SMARCA4: variants seen among roughly 807,000 people sequenced by gnomAD.
SMARCA4 encodes SWI/SNF-related matrix-associated actin-dependent regulator of chromatin subfamily A member 4.
SMARCA4 carries 31 observed loss-of-function variants against 193.9 expected under a neutral mutation model. The observed-to-expected ratio is 0.16, with a 90% CI of 0.12 to 0.22. The LOEUF (loss-of-function observed/expected upper bound fraction) is 0.22, where lower values mean the gene tolerates loss of function less well. SMARCA4 is among the 10% of genes least tolerant of loss of function. The pLI, the probability that SMARCA4 is intolerant of heterozygous loss-of-function variation, is 1.00. For synonymous variants in SMARCA4, 942 were observed against 933.1 expected, an observed-to-expected ratio of 1.01 and a Z score of -0.17; for missense variants, 1,148 against 2,296.0, an observed-to-expected ratio of 0.50 and a Z score of 10.22.
Position 10,969,725 on chromosome 19 carries a change from T to C in SMARCA4, c.-32+8551T>C, listed in dbSNP as rs112176329. On this transcript the variant is annotated intron_variant, in intron 1 of 34. Transcript: ENST00000344626. ...GATTACAGGCATGAGCCACTGCACC[T>C]GGCCCCCTTTTTATGTTTCTAACAG... 1.8e-3 allele frequency among the ~76,000 whole-genome samples: 276 copies of C among 152,292 alleles called. 1 individual carries two copies. The highest frequency in any genetic ancestry group is 6.8e-3 in the Middle Eastern group (2 of 294).
Position 11,031,315 on chromosome 19 carries a change from G to T in SMARCA4, c.3546+422G>T, listed in dbSNP as rs1823438921. ...GCCACTTCGTTTACTTCCTCCTCTT[G>T]TTCCATAACCATGTACCCCTCATGG... On this transcript the variant is annotated intron_variant, in intron 25 of 34. Coordinates refer to ENST00000344626, the MANE Select transcript of SMARCA4 (RefSeq NM_003072.5). This position sits in a 1 kb window ranked among gnomAD's most constrained non-coding sequence, Gnocchi z 4.3. 1 of 275,484 alleles carries T rather than the reference G, an allele frequency of 3.6e-6. No individual in the cohort carries two copies. Among genetic ancestry groups the T allele is most frequent in the African/African-American group, 2.2e-5 (1 of 45,854 alleles). 17.1% of individuals were successfully genotyped at this position (275,484 alleles called of 1,614,324 possible). A position where few individuals can be genotyped will look rare whatever the true frequency, so the allele number is the denominator to read the frequency against.
rs2085989838 is a variant in SMARCA4 at position 10,985,973 on chromosome 19, A to T, written c.356-216A>T. Among the ~76,000 whole-genome samples, 1 of 151,988 alleles carries T rather than the reference A, an allele frequency of 6.6e-6. No individual in the cohort carries two copies. Among genetic ancestry groups the T allele is most frequent in the Non-Finnish European group, 1.5e-5 (1 of 68,004 alleles). Reference sequence around the variant, plus strand: ...CAGGTTCTCAGCATTAACCAGAAGCACCTTACTGAGACGTGGGCCAAACCA... The same window carrying T: ...CAGGTTCTCAGCATTAACCAGAAGCTCCTTACTGAGACGTGGGCCAAACCA... On this transcript the variant is annotated intron_variant, in intron 3 of 34. Coordinates refer to ENST00000344626, the MANE Select transcript of SMARCA4 (RefSeq NM_003072.5). The surrounding 1 kb of genome is among the most constrained non-coding windows in gnomAD (Gnocchi z 4.5).
In SMARCA4 at chr19:10,981,114, C is replaced by G. The variant is rs561126602; in HGVS notation, c.-31-3007C>G. Among the ~76,000 whole-genome samples the G allele has an allele frequency of 2.6e-5, 4 of 152,346 alleles. No homozygotes were observed. In the South Asian group the frequency reaches 8.3e-4, roughly 32 times the overall value. Reference sequence around the variant, plus strand: ...CAAGTGAGGAAGAAGCTATAGGTCCCTGAATATCACAGGATCTATGAAGTA... The same window carrying G: ...CAAGTGAGGAAGAAGCTATAGGTCCGTGAATATCACAGGATCTATGAAGTA... On this transcript the variant is annotated intron_variant, in intron 1 of 34. Transcript: ENST00000344626.
At chr19:11,017,826 C>A (rs1473752537) in intron 16 of SMARCA4, among the ~76,000 whole-genome samples, 2 of 152,380 alleles carry the variant, frequency 1.3e-5, no homozygotes, top group Admixed American at 1.3e-4. Context: ...TCTGCCCAGT[C>A]ATTCTTGGGT....
At chr19:11,059,687 G>T (rs2147110414) in intron 32 of SMARCA4, 66 bp from the exon 33 acceptor site, 1 of 1,529,958 alleles carries the variant, frequency 6.5e-7, no homozygotes, top group South Asian at 1.2e-5. Context: ...TGGGGCTGGG[G>T]CCAGGGCCGG....
rs566247944 is a variant in SMARCA4 at position 10,993,081 on chromosome 19, G to A, written c.1420-1747G>A. Among the ~76,000 whole-genome samples the A allele has an allele frequency of 1.5e-4, 23 of 150,970 alleles. No homozygotes were observed. In the South Asian group the frequency reaches 4.8e-3, roughly 32 times the overall value. ...ACTCACTGCAGCCTCTGTCTTCTGGGTTCAAGCGATTCTCCTGCCTTAGCC... is the reference window on the plus strand; with the variant it reads ...ACTCACTGCAGCCTCTGTCTTCTGGATTCAAGCGATTCTCCTGCCTTAGCC... On this transcript the variant is annotated intron_variant, in intron 8 of 34. Transcript: ENST00000344626.
At chr19:11,025,784 C>T (rs1225566720) in intron 22 of SMARCA4, among the ~76,000 whole-genome samples, 3 of 152,220 alleles carry the variant, frequency 2.0e-5, no homozygotes, top group African/African-American at 7.2e-5. Flanking sequence ...TGTCCCCCCA[C>T]AGTGGGGTCC....
Position 11,029,963 on chromosome 19 carries a change from A to G in SMARCA4, c.3383-767A>G, listed in dbSNP as rs111523759. Among the ~76,000 whole-genome samples the G allele has an allele frequency of 3.2e-3, 488 of 152,244 alleles. 6 individuals carry two copies. Among genetic ancestry groups the G allele is most frequent in the African/African-American group, 0.011 (471 of 41,542 alleles). On this transcript the variant is annotated intron_variant, in intron 24 of 34. Transcript: ENST00000344626. Reference sequence around the variant, plus strand: ...AGTGTTGGGATTACAGGCATGAGTCACCGCGCCCGGCCTGCCAGTTTTTAT... The same window carrying G: ...AGTGTTGGGATTACAGGCATGAGTCGCCGCGCCCGGCCTGCCAGTTTTTAT...
At position 11,062,182 on chromosome 19, in the gene SMARCA4, T is replaced by A. The variant is rs1245537827; in HGVS notation, c.*366T>A. The A allele has an allele frequency of 7.6e-6, 3 of 395,108 alleles. No homozygotes were observed. Among genetic ancestry groups the A allele is most frequent in the Non-Finnish European group, 1.4e-5 (3 of 212,694 alleles). 24.5% of individuals were successfully genotyped at this position (395,108 alleles called of 1,614,324 possible). ...TCACCGTCCACTCCTCCTACTGTATTTTATTGGACAGGTCAGACTCGCCGG... is the reference window on the plus strand; with the variant it reads ...TCACCGTCCACTCCTCCTACTGTATATTATTGGACAGGTCAGACTCGCCGG... On this transcript the variant is annotated 3_prime_UTR_variant, in exon 35 of 35. Coordinates refer to ENST00000344626, the MANE Select transcript of SMARCA4 (RefSeq NM_003072.5).
chr19:11,008,370 C>T (rs912834107), intron 14 of SMARCA4: 21 of 356,838 alleles, frequency 5.9e-5, no homozygotes, highest in Admixed American at 1.5e-4. Flanking sequence ...ATGCTGTCTG[C>T]ATTAGCAAGC....
At chr19:11,014,960 G>A (rs566795598) in intron 16 of SMARCA4, among the ~76,000 whole-genome samples, 1 of 152,000 alleles carries the variant, frequency 6.6e-6, no homozygotes, top group East Asian at 1.9e-4. Context: ...TTAGAGGCAC[G>A]CGCCACCATG....
intron 14 of SMARCA4, among the ~76,000 whole-genome samples, chr19:11,008,616 C>T (rs115291362): frequency 0.029 from 4,423 of 152,288 alleles, 101 homozygotes; most frequent in Non-Finnish European, 0.041. Flanking sequence ...GCTCCTGTAA[C>T]ACATCACAGT....
chr19:11,046,273 T>C (rs1404595213), intron 30 of SMARCA4, among the ~76,000 whole-genome samples: 1 of 152,010 alleles, frequency 6.6e-6, no homozygotes, highest in Non-Finnish European at 1.5e-5. Context: ...AAGTGACTGC[T>C]TTATCGAAAC....
chr19:10,994,454 G>A (rs1048284791), intron 8 of SMARCA4, among the ~76,000 whole-genome samples: 7 of 151,126 alleles, frequency 4.6e-5, no homozygotes, highest in African/African-American at 1.5e-4. Flanking sequence ...CTCCCGAGTA[G>A]CTGGGACTAC....
intron 1 of SMARCA4, chr19:10,977,949 T>G (rs1304556743): frequency 1.3e-5 from 2 of 152,450 alleles, no homozygotes; most frequent in East Asian, 3.9e-4. Flanking sequence ...AGTTCCACTG[T>G]GGCCTTGGCC....
rs2076671979 is a variant in SMARCA4, at chr19:11,058,446, G to T, written c.4533+83G>T. Reference sequence around the variant, plus strand: ...GGCACCCCCATCTGAGAGCTGTGGTGTGTGGGCAGAATGACCAGAAACCAC... The same window carrying T: ...GGCACCCCCATCTGAGAGCTGTGGTTTGTGGGCAGAATGACCAGAAACCAC... On this transcript the variant is annotated intron_variant, in intron 31 of 34. Coordinates refer to ENST00000344626, the MANE Select transcript of SMARCA4 (RefSeq NM_003072.5). This position sits in a 1 kb window ranked among gnomAD's most constrained non-coding sequence, Gnocchi z 5.8. The T allele has an allele frequency of 3.0e-6, 3 of 991,848 alleles. No homozygotes were observed. Among genetic ancestry groups the T allele is most frequent in the Non-Finnish European group, 4.7e-6 (3 of 631,626 alleles). 61.4% of individuals were successfully genotyped at this position (991,848 alleles called of 1,614,324 possible). A position where few individuals can be genotyped will look rare whatever the true frequency, so the allele number is the denominator to read the frequency against.
chr19:11,030,027 T>C lies in SMARCA4; in HGVS notation c.3383-703T>C, dbSNP rs17304534. ...TGACTTCAGTGTTCAGGGGCACCTC[T>C]GTCCGAACTCCCAGCAGCGCAGGGA... On this transcript the variant is annotated intron_variant, in intron 24 of 34. Transcript: ENST00000344626. The surrounding 1 kb of genome is among the most constrained non-coding windows in gnomAD (Gnocchi z 5.5). Among the ~76,000 whole-genome samples, 61,825 of 151,910 alleles carry C rather than the reference T, an allele frequency of 0.41. 12,852 individuals are homozygous for C. The highest frequency in any genetic ancestry group is 0.57 in the East Asian group (2,946 of 5,146).
chr19:11,061,393 G>C (rs1241762081), intron 34 of SMARCA4, among the ~76,000 whole-genome samples: 2 of 151,516 alleles, frequency 1.3e-5, no homozygotes, highest in Non-Finnish European at 2.9e-5. Flanking sequence ...TGGTCACAGG[G>C]ACTCGTCCTG....
intron 30 of SMARCA4, among the ~76,000 whole-genome samples, chr19:11,046,656 C>T (rs1421558853): frequency 6.6e-5 from 10 of 152,092 alleles, no homozygotes; most frequent in Non-Finnish European, 1.0e-4. Context: ...GAAAGATAGT[C>T]GTTGAAAAGC....
Sources: gnomAD v4.1 joint callset for allele counts (sites outside exome capture counted in the v4.1 genomes callset) on GRCh38, gnomAD v4.1.1 for gene constraint, Gnocchi (gnomAD v3.1) non-coding constraint, MANE v1.5 for transcripts, NCBI Gene and HGNC (gene_info 2026-07-23, HGNC 2026-07-21) for gene names.